KRTAP9-3: variants seen among roughly 807,000 people sequenced by gnomAD.
KRTAP9-3 encodes the protein keratin-associated protein 9-3.
KRTAP9-3 carries 12 observed loss-of-function variants against 13.0 expected under a neutral mutation model. That is an observed-to-expected ratio of 0.93 (90% CI 0.59 to 1.50). KRTAP9-3 has a LOEUF of 1.50. Among genes scored for constraint, KRTAP9-3 ranks in the 40% most tolerant of loss-of-function variants. KRTAP9-3 has a pLI of 0.00. For synonymous variants in KRTAP9-3, 89 were observed against 68.7 expected (o/e 1.29, Z -1.46); for missense variants, 232 against 195.2 (o/e 1.19, Z -1.12).
chr17:41,232,768 C>T lies in KRTAP9-3; in HGVS notation c.267C>T (p.Ser89=), dbSNP rs1031094526. Residue 89 remains serine (S), a synonymous_variant, in exon 1 of 1, where the codon AGC becomes AGT. Transcript: ENST00000411528. ...PCCQPTCCGS[S]CGQSSSCAPV... is the part of the protein sequence containing the mutation. ...GCCAGCCCACATGCTGTGGGTCCAG[C>T]TGTGGTCAGAGCAGCTCCTGTGCAC... 5 of 1,608,256 alleles carry T rather than the reference C, an allele frequency of 3.1e-6. 1 individual carries two copies. Among genetic ancestry groups the T allele is most frequent in the Non-Finnish European group, 2.5e-6 (3 of 1,179,940 alleles).
At position 41,232,628 on chromosome 17, in the gene KRTAP9-3, T is replaced by A. The variant is rs1235235448; in HGVS notation, c.127T>A (p.Cys43Ser). 12 of 1,603,460 alleles carry A rather than the reference T, an allele frequency of 7.5e-6. No individual in the cohort carries two copies. Among genetic ancestry groups the A allele is most frequent in the Non-Finnish European group, 8.5e-6 (10 of 1,176,424 alleles). ...CQPSCCVSSC[C>S]QPCCHPTCCQ... Reference sequence around the variant, plus strand: ...GCCCTCCTGCTGTGTTTCCAGCTGCTGCCAGCCTTGCTGCCACCCAACTTG... The same window carrying A: ...GCCCTCCTGCTGTGTTTCCAGCTGCAGCCAGCCTTGCTGCCACCCAACTTG... Residue 43 changes from cysteine (C) to serine (S), a missense_variant, in exon 1 of 1, where the codon TGC becomes AGC. Physicochemically the swap from Cys to Ser is moderately radical, Grantham distance 112. Transcript: ENST00000411528.
rs144550070 is a variant in KRTAP9-3 at position 41,233,051 on chromosome 17, T to A, written c.*70T>A. ...TCAACTGACTTGTCTTTTGAGGGAC[T>A]AATTTACTTTGCTGCTGACAGCCAC... On this transcript the variant is annotated 3_prime_UTR_variant, in exon 1 of 1. Transcript: ENST00000411528. 2 of 1,580,124 alleles carry A rather than the reference T, an allele frequency of 1.3e-6. No individual in the cohort carries two copies. The highest frequency in any genetic ancestry group is 1.7e-6 in the Non-Finnish European group (2 of 1,164,090).
Position 41,233,155 on chromosome 17 carries a change from T to A in KRTAP9-3, c.*174T>A, listed in dbSNP as rs2015894535. The A allele has an allele frequency of 9.4e-7, 1 of 1,061,904 alleles. No homozygotes were observed. Among genetic ancestry groups the A allele is most frequent in the South Asian group, 1.6e-5 (1 of 64,196 alleles). 65.8% of individuals were successfully genotyped at this position (1,061,904 alleles called of 1,614,324 possible). A position where few individuals can be genotyped will look rare whatever the true frequency, so the allele number is the denominator to read the frequency against. On this transcript the variant is annotated 3_prime_UTR_variant, in exon 1 of 1. Transcript: ENST00000411528. ...TCTGCTTGAGGGAGGGCAGAATACT[T>A]CATCCTCATTCCCTCTTTCCTTACA...
rs1420699541 is a variant in KRTAP9-3, at chr17:41,232,708, C to A, written c.207C>A (p.Ser69Arg). The A allele has an allele frequency of 5.0e-6, 8 of 1,608,520 alleles. No homozygotes were observed. The highest frequency in any genetic ancestry group is 5.1e-6 in the Non-Finnish European group (6 of 1,179,940). ...TTCCQPICVT[S>R]CCQPSCCSTP... is the part of the protein sequence containing the mutation. ...GCTGCCAGCCCATCTGTGTGACCAG[C>A]TGCTGCCAGCCTTCCTGCTGTAGCA... The change falls in exon 1 of 1, where the codon AGC becomes AGA. Residue 69 changes from serine (S) to arginine (R), a missense_variant. Coordinates refer to ENST00000411528, the MANE Select transcript of KRTAP9-3 (RefSeq NM_031962.3).
At position 41,232,703 on chromosome 17, in the gene KRTAP9-3, A is replaced by G. The variant is rs762059802; in HGVS notation, c.202A>G (p.Thr68Ala). Reference protein sequence around the residue: ...RTTCCQPICVTSCCQPSCCST... With the variant: ...RTTCCQPICVASCCQPSCCST... ...CACCTGCTGCCAGCCCATCTGTGTG[A>G]CCAGCTGCTGCCAGCCTTCCTGCTG... The change falls in exon 1 of 1, where the codon ACC becomes GCC. Residue 68 changes from threonine to alanine, a missense_variant. Thr to Ala is a moderately conservative substitution (Grantham distance 58). Coordinates refer to ENST00000411528, the MANE Select transcript of KRTAP9-3 (RefSeq NM_031962.3). 5.0e-5 allele frequency: 81 copies of G among 1,606,930 alleles called. No individual in the cohort carries two copies. The highest frequency in any genetic ancestry group is 6.7e-5 in the Non-Finnish European group (79 of 1,179,726).
Position 41,232,674 on chromosome 17 carries a change from G to A in KRTAP9-3, c.173G>A (p.Arg58Lys), listed in dbSNP as rs777673755. ...ACTTGCTGTCAAAACACCTGCTGTA[G>A]GACCACCTGCTGCCAGCCCATCTGT... Reference protein sequence around the residue: ...HPTCCQNTCCRTTCCQPICVT... With the variant: ...HPTCCQNTCCKTTCCQPICVT... The change falls in exon 1 of 1, where the codon AGG (arginine) becomes AAG (lysine). Residue 58 changes from arginine (R) to lysine (K), a missense_variant. Arg to Lys is a conservative substitution (Grantham distance 26, BLOSUM62 2). Coordinates refer to ENST00000411528, the MANE Select transcript of KRTAP9-3 (RefSeq NM_031962.3). 8 of 1,608,140 alleles carry A rather than the reference G, an allele frequency of 5.0e-6. No individual in the cohort carries two copies. Among genetic ancestry groups the A allele is most frequent in the Non-Finnish European group, 5.9e-6 (7 of 1,179,890 alleles).
Position 41,233,110 on chromosome 17 carries a change from C to T in KRTAP9-3, c.*129C>T. ...CACCCAAATTTTTATGAATTCTCTA[C>T]ATGTTTAAAATCTTGGGAATCTGCT... On this transcript the variant is annotated 3_prime_UTR_variant, in exon 1 of 1. Transcript: ENST00000411528. 6.9e-7 allele frequency: 1 copy of T among 1,453,654 alleles called. No homozygotes were observed. The highest frequency in any genetic ancestry group is 1.6e-5 in the African/African-American group (1 of 63,374). 90.0% of individuals were successfully genotyped at this position (1,453,654 alleles called of 1,614,324 possible).
Position 41,233,385 on chromosome 17 carries a change from G to T in KRTAP9-3, c.*404G>T. ...CTTTCTTCTTTTCACGATAACTTTGGGTTATGTCTCTGGTAGCAGAGATTC... is the reference window on the plus strand; with the variant it reads ...CTTTCTTCTTTTCACGATAACTTTGTGTTATGTCTCTGGTAGCAGAGATTC... On this transcript the variant is annotated 3_prime_UTR_variant, in exon 1 of 1. Transcript: ENST00000411528. 2 of 181,422 alleles carry T rather than the reference G, an allele frequency of 1.1e-5. No homozygotes were observed. The highest frequency in any genetic ancestry group is 2.2e-5 in the Non-Finnish European group (2 of 92,234). The allele number at this position is 181,422 out of a possible 1,614,324, so 11.2% of individuals were successfully genotyped here.
In KRTAP9-3 at chr17:41,232,966, G is replaced by A. The variant is rs753611766; in HGVS notation, c.465G>A (p.Gln155=). The change falls in exon 1 of 1, where the codon CAG becomes CAA. Residue 155 remains glutamine (Q), a synonymous_variant. Transcript: ENST00000411528. ...FQPTCVYSCC[Q]PSCC Reference sequence around the variant, plus strand: ...CCACCTGTGTGTACAGCTGCTGCCAGCCTTCTTGCTGCTAATCAACTCCCA... The same window carrying A: ...CCACCTGTGTGTACAGCTGCTGCCAACCTTCTTGCTGCTAATCAACTCCCA... The A allele has an allele frequency of 3.7e-6, 6 of 1,608,824 alleles. No homozygotes were observed. The Admixed American group carries it at 6.7e-5, about 18-fold the overall frequency.
Position 41,232,873 on chromosome 17 carries a change from C to A in KRTAP9-3, c.372C>A (p.Asn124Lys), listed in dbSNP as rs750282660. ...GCCTAAACCAGAGCTGTGGCTCCAA[C>A]TGCTGCCAGCCCTGCTGCCGCCCAG... ...PGCLNQSCGS[N>K]CCQPCCRPAC... The change falls in exon 1 of 1, where the codon AAC (asparagine) becomes AAA (lysine). Residue 124 changes from asparagine (N) to lysine (K), a missense_variant. Asn to Lys is a moderately conservative substitution (Grantham distance 94). Coordinates refer to ENST00000411528, the MANE Select transcript of KRTAP9-3 (RefSeq NM_031962.3). The A allele has an allele frequency of 2.1e-5, 33 of 1,608,540 alleles. 4 individuals carry two copies. In the African/African-American group the frequency reaches 3.9e-4, roughly 19 times the overall value.
chr17:41,233,143 G>A lies in KRTAP9-3; in HGVS notation c.*162G>A. On this transcript the variant is annotated 3_prime_UTR_variant, in exon 1 of 1. Coordinates refer to ENST00000411528, the MANE Select transcript of KRTAP9-3 (RefSeq NM_031962.3). ...AAATCTTGGGAATCTGCTTGAGGGA[G>A]GGCAGAATACTTCATCCTCATTCCC... 4.2e-6 allele frequency: 5 copies of A among 1,201,792 alleles called. No homozygotes were observed. The South Asian group carries it at 4.4e-5, about 11-fold the overall frequency. The allele number at this position is 1,201,792 out of a possible 1,614,324, so 74.4% of individuals were successfully genotyped here. A position where few individuals can be genotyped will look rare whatever the true frequency, so the allele number is the denominator to read the frequency against.
rs762936040 is a variant in KRTAP9-3, at chr17:41,232,634, C to T, written c.133C>T (p.Pro45Ser). Residue 45 changes from proline to serine, a missense_variant, in exon 1 of 1, where the codon CCT (proline) becomes TCT (serine). By Grantham distance (74) the Pro-to-Ser change is moderately conservative. Transcript: ENST00000411528. ...CTGCTGTGTTTCCAGCTGCTGCCAGCCTTGCTGCCACCCAACTTGCTGTCA... is the reference window on the plus strand; with the variant it reads ...CTGCTGTGTTTCCAGCTGCTGCCAGTCTTGCTGCCACCCAACTTGCTGTCA... ...PSCCVSSCCQ[P>S]CCHPTCCQNT... 1 of 1,603,862 alleles carries T rather than the reference C, an allele frequency of 6.2e-7. No homozygotes were observed. Among genetic ancestry groups the T allele is most frequent in the East Asian group, 2.2e-5 (1 of 44,778 alleles).
In KRTAP9-3 at chr17:41,232,844, G is replaced by C; in HGVS notation, c.343G>C (p.Gly115Arg). 1 of 1,607,356 alleles carries C rather than the reference G, an allele frequency of 6.2e-7. No homozygotes were observed. The highest frequency in any genetic ancestry group is 8.5e-7 in the Non-Finnish European group (1 of 1,179,886). The change falls in exon 1 of 1, where the codon GGT becomes CGT. Residue 115 changes from glycine (G) to arginine (R), a missense_variant. Coordinates refer to ENST00000411528, the MANE Select transcript of KRTAP9-3 (RefSeq NM_031962.3). ...CCACCCCACAAGTGTTTGTCTGCCT[G>C]GTTGCCTAAACCAGAGCTGTGGCTC... is the stretch of plus-strand genomic sequence containing the variant. Reference protein sequence around the residue: ...CYHPTSVCLPGCLNQSCGSNC... With the variant: ...CYHPTSVCLPRCLNQSCGSNC...
Position 41,232,897 on chromosome 17 carries a change from A to C in KRTAP9-3, c.396A>C (p.Pro132=), listed in dbSNP as rs2015887604. The part of the protein sequence containing the change: ...GSNCCQPCCR[P]ACCETTCCRT... The stretch of plus-strand genomic sequence containing the variant: ...ACTGCTGCCAGCCCTGCTGCCGCCC[A>C]GCCTGCTGTGAGACCACCTGCTGCA... Residue 132 remains proline (P), a synonymous_variant, in exon 1 of 1, where the codon CCA becomes CCC. Transcript: ENST00000411528. The C allele has an allele frequency of 1.2e-6, 2 of 1,607,014 alleles. No homozygotes were observed. The highest frequency in any genetic ancestry group is 1.7e-6 in the Non-Finnish European group (2 of 1,179,716).
rs148108120 is a variant in KRTAP9-3 at position 41,232,545 on chromosome 17, G to A, written c.44G>A (p.Arg15Lys). ...CSPCCQPTCC[R>K]TTCWQPTTVT... is the part of the protein sequence containing the mutation. ...CCTTGCTGTCAGCCTACCTGCTGCAGGACCACCTGCTGGCAGCCCACCACT... is the reference window on the plus strand; with the variant it reads ...CCTTGCTGTCAGCCTACCTGCTGCAAGACCACCTGCTGGCAGCCCACCACT... Residue 15 changes from arginine to lysine, a missense_variant, in exon 1 of 1, where the codon AGG (arginine) becomes AAG (lysine). Arg to Lys is a conservative substitution (Grantham distance 26). Transcript: ENST00000411528. 5.0e-6 allele frequency: 8 copies of A among 1,603,668 alleles called. No homozygotes were observed. The highest frequency in any genetic ancestry group is 6.8e-6 in the Non-Finnish European group (8 of 1,177,392).
In KRTAP9-3 at chr17:41,232,875, G is replaced by A. The variant is rs1319950906; in HGVS notation, c.374G>A (p.Cys125Tyr). The A allele has an allele frequency of 1.9e-6, 3 of 1,608,280 alleles. No individual in the cohort carries two copies. Among genetic ancestry groups the A allele is most frequent in the African/African-American group, 1.4e-5 (1 of 69,416 alleles). ...CTAAACCAGAGCTGTGGCTCCAACT[G>A]CTGCCAGCCCTGCTGCCGCCCAGCC... ...GCLNQSCGSN[C>Y]CQPCCRPACC... Residue 125 changes from cysteine (C) to tyrosine (Y), a missense_variant, in exon 1 of 1, where the codon TGC becomes TAC. By Grantham distance (194) the Cys-to-Tyr change is radical (BLOSUM62 -2). Transcript: ENST00000411528.
At position 41,232,792 on chromosome 17, in the gene KRTAP9-3, A is replaced by G; in HGVS notation, c.291A>G (p.Ala97=). The G allele has an allele frequency of 1.9e-6, 3 of 1,607,568 alleles. No individual in the cohort carries two copies. The highest frequency in any genetic ancestry group is 1.5e-5 in the African/African-American group (1 of 68,932). ...GSSCGQSSSC[A]PVYCRRTCYH... ...GCTGTGGTCAGAGCAGCTCCTGTGC[A>G]CCTGTGTACTGCAGAAGAACCTGCT... Residue 97 remains alanine (A), a synonymous_variant, in exon 1 of 1, where the codon GCA becomes GCG. Transcript: ENST00000411528.
chr17:41,232,491 T>A lies in KRTAP9-3; in HGVS notation c.-11T>A. On this transcript the variant is annotated 5_prime_UTR_variant, in exon 1 of 1. Coordinates refer to ENST00000411528, the MANE Select transcript of KRTAP9-3 (RefSeq NM_031962.3). ...CCTCTTAACAGAAGCCCACCCTCCA[T>A]CCCTGACACCATGACCCACTGTTGC... The A allele has an allele frequency of 6.2e-7, 1 of 1,604,402 alleles. No individual in the cohort carries two copies. Among genetic ancestry groups the A allele is most frequent in the Non-Finnish European group, 8.5e-7 (1 of 1,178,330 alleles).
At position 41,233,384 on chromosome 17, in the gene KRTAP9-3, G is replaced by T; in HGVS notation, c.*403G>T. On this transcript the variant is annotated 3_prime_UTR_variant, in exon 1 of 1. Transcript: ENST00000411528. ...TCTTTCTTCTTTTCACGATAACTTT[G>T]GGTTATGTCTCTGGTAGCAGAGATT... 6.7e-6 allele frequency: 2 copies of T among 297,488 alleles called. No individual in the cohort carries two copies. Among genetic ancestry groups the T allele is most frequent in the Non-Finnish European group, 6.5e-6 (1 of 153,670 alleles). 18.4% of individuals were successfully genotyped at this position (297,488 alleles called of 1,614,324 possible).
Sources: gnomAD v4.1 joint callset for allele counts on GRCh38, gnomAD v4.1.1 for gene constraint, MANE v1.5 for transcripts, NCBI Gene and HGNC (gene_info 2026-07-23, HGNC 2026-07-21) for gene names.